The following SMAD3 variants were observed in gnomAD, a reference collection of about 807,000 sequenced individuals.
The protein encoded by SMAD3 is SMAD family member 3.
SMAD3 carries 12 observed loss-of-function variants against 51.8 expected under a neutral mutation model. The ratio of observed to expected loss-of-function variants is 0.23; its 90% CI spans 0.15 to 0.38. SMAD3 has a LOEUF of 0.38. Among genes scored for constraint, SMAD3 ranks in the 10% least tolerant of loss-of-function variants. The pLI is 1.00. For synonymous variants in SMAD3, 238 were observed against 227.7 expected (o/e 1.05, Z -0.41); for missense variants, 294 against 565.6 (o/e 0.52, Z 4.87).
intron 5 of SMAD3, 66 bp from the exon 6 acceptor site, chr15:67,181,175 G>T: frequency 8.4e-7 from 1 of 1,189,326 alleles, no homozygotes; most frequent in Non-Finnish European, 1.2e-6. Flanking sequence ...GTGTCCATGG[G>T]ACCCCATCGA....
At chr15:67,086,689 C>T (rs1566963564) in intron 1 of SMAD3, among the ~76,000 whole-genome samples, 1 of 152,048 alleles carries the variant, frequency 6.6e-6, no homozygotes, top group Non-Finnish European at 1.5e-5. Context: ...TGTCAAGGCA[C>T]TCTTAGAAAT....
chr15:67,066,964 C>T (rs1292815800), intron 1 of SMAD3, among the ~76,000 whole-genome samples: 1 of 152,192 alleles, frequency 6.6e-6, no homozygotes, highest in Non-Finnish European at 1.5e-5. Flanking sequence ...TTGTGCCAGT[C>T]TCCCGCCCCC....
At chr15:67,070,488 A>G (rs1378087740) in intron 1 of SMAD3, among the ~76,000 whole-genome samples, 2 of 151,914 alleles carry the variant, frequency 1.3e-5, no homozygotes, top group Non-Finnish European at 2.9e-5. Flanking sequence ...ATTGATATTT[A>G]TTGGACCCTC....
At position 67,191,224 on chromosome 15, in the gene SMAD3, AACTC is replaced by A; in HGVS notation, c.*692_*695del. On this transcript the variant is annotated 3_prime_UTR_variant, in exon 9 of 9. Coordinates refer to ENST00000327367, the MANE Select transcript of SMAD3 (RefSeq NM_005902.4). ...AATCGATGAGCGCCACCTCTTTAAA[AACTC>A]ACTTACGTTTGTCCTTTTTCACTTT... is the stretch of plus-strand genomic sequence containing the variant. 2 of 233,612 alleles carry A rather than the reference AACTC, an allele frequency of 8.6e-6. No homozygotes were observed. The highest frequency in any genetic ancestry group is 8.5e-6 in the Non-Finnish European group (1 of 118,278). The allele number at this position is 233,612 out of a possible 1,614,324, so 14.5% of individuals were successfully genotyped here.
At chr15:67,161,944 G>A (rs890912722) in intron 1 of SMAD3, among the ~76,000 whole-genome samples, 8 of 152,034 alleles carry the variant, frequency 5.3e-5, no homozygotes, top group Non-Finnish European at 1.0e-4. Flanking sequence ...TATACCTCAG[G>A]GACGAGTCCC....
In SMAD3 at chr15:67,139,356, C is replaced by T. The variant is rs567789476; in HGVS notation, c.207-25539C>T. Among the ~76,000 whole-genome samples the T allele has an allele frequency of 1.4e-4, 22 of 152,252 alleles. No individual in the cohort carries two copies. The South Asian group carries it at 4.4e-3, about 30-fold the overall frequency. On this transcript the variant is annotated intron_variant, in intron 1 of 8. Transcript: ENST00000327367. Reference sequence around the variant, plus strand: ...TTAGGTTTCCTGGCTTGCTTTTCCCCACTGTGTCTGCTCTTGCCAGAATTT... The same window carrying T: ...TTAGGTTTCCTGGCTTGCTTTTCCCTACTGTGTCTGCTCTTGCCAGAATTT...
intron 1 of SMAD3, among the ~76,000 whole-genome samples, chr15:67,089,415 A>C (rs1405041492): frequency 6.6e-6 from 1 of 152,248 alleles, no homozygotes; most frequent in Non-Finnish European, 1.5e-5. Flanking sequence ...GGTCATGTGC[A>C]GAGCACCTTC....
At chr15:67,114,208 C>T (rs771568280) in intron 1 of SMAD3, among the ~76,000 whole-genome samples, 1 of 152,192 alleles carries the variant, frequency 6.6e-6, no homozygotes, top group Non-Finnish European at 1.5e-5. Flanking sequence ...ACCTCCTCAG[C>T]GCTGGAGGGT....
At chr15:67,180,485 G>A (rs1963022100) in intron 5 of SMAD3, among the ~76,000 whole-genome samples, 1 of 150,846 alleles carries the variant, frequency 6.6e-6, no homozygotes, top group African/African-American at 2.4e-5. Context: ...CAGACAACTG[G>A]GACAAATACA....
chr15:67,098,908 T>C (rs1425176732), intron 1 of SMAD3: 2 of 702,078 alleles, frequency 2.8e-6, no homozygotes, highest in South Asian at 3.0e-5. Context: ...AGGGGGCCAG[T>C]GTGGAGGAGG....
At chr15:67,182,998 A>ATATATATATATATATATATATATATATAT (rs1444218521) in intron 6 of SMAD3, among the ~76,000 whole-genome samples, 1 of 49,084 alleles carries the variant, frequency 2.0e-5, no homozygotes, top group Non-Finnish European at 3.5e-5. Flanking sequence ...AAAAAAAAAA[A>ATATATATATATATATATATATATATATAT]AAATATATAT....
chr15:67,116,215 C>A (rs965427396), intron 1 of SMAD3, among the ~76,000 whole-genome samples: 8 of 152,220 alleles, frequency 5.3e-5, no homozygotes, highest in African/African-American at 1.9e-4. Context: ...GATAAACCAG[C>A]GCACTGTGGT....
chr15:67,182,461 G>C (rs1036921281), intron 6 of SMAD3, among the ~76,000 whole-genome samples: 3 of 152,190 alleles, frequency 2.0e-5, no homozygotes, highest in South Asian at 4.1e-4. Flanking sequence ...GAGCCCCAAG[G>C]GTTGGCAAAG....
chr15:67,114,336 C>T (rs1327247464), intron 1 of SMAD3, among the ~76,000 whole-genome samples: 1 of 152,168 alleles, frequency 6.6e-6, no homozygotes, highest in Non-Finnish European at 1.5e-5. Context: ...GAATTGGGCC[C>T]CTCATCACCT....
intron 1 of SMAD3, among the ~76,000 whole-genome samples, chr15:67,067,888 C>T (rs76302777): frequency 0.14 from 20,651 of 151,940 alleles, 1,691 homozygotes; most frequent in African/African-American, 0.21. Context: ...TGTATTCCTT[C>T]CGTGGGGGTG....
In SMAD3 at chr15:67,192,980, A is replaced by G. The variant is rs145102966; in HGVS notation, c.*2444A>G. 316 of 233,196 alleles carry G rather than the reference A, an allele frequency of 1.4e-3. 4 individuals are homozygous for G. In the East Asian group the frequency reaches 0.015, roughly 11 times the overall value. The allele number at this position is 233,196 out of a possible 1,614,324, so 14.4% of individuals were successfully genotyped here. ...ACCAGAGGAGGATGTGTGGGATTGT[A>G]GGCAAACCCACCTGTGGCATCACTG... is the stretch of plus-strand genomic sequence containing the variant. On this transcript the variant is annotated 3_prime_UTR_variant, in exon 9 of 9. Coordinates refer to ENST00000327367, the MANE Select transcript of SMAD3 (RefSeq NM_005902.4).
At chr15:67,142,635 T>C (rs1961860714) in intron 1 of SMAD3, 1 of 275,978 alleles carries the variant, frequency 3.6e-6, no homozygotes, top group South Asian at 3.0e-5. Flanking sequence ...AGAATGGACA[T>C]CTGGTTTGTT....
chr15:67,134,537 C>G (rs1028396073), intron 1 of SMAD3, among the ~76,000 whole-genome samples: 1 of 151,226 alleles, frequency 6.6e-6, no homozygotes, highest in African/African-American at 2.4e-5. Context: ...TGTTGTCTTA[C>G]GCTCGGGGTG....
intron 1 of SMAD3, among the ~76,000 whole-genome samples, chr15:67,069,661 A>G (rs879945216): frequency 9.9e-5 from 15 of 151,922 alleles, no homozygotes; most frequent in Non-Finnish European, 2.1e-4. Context: ...GGAGAATTGA[A>G]GCAAACACTA....
Sources: allele counts gnomAD v4.1 joint callset (sites outside exome capture counted in the v4.1 genomes callset), GRCh38; gene constraint gnomAD v4.1.1; transcripts MANE v1.5; gene names NCBI Gene and HGNC (gene_info 2026-07-23, HGNC 2026-07-21).